Variants in MID1 observed in about 807,000 individuals in gnomAD.
MID1 encodes midline 1.
Under a neutral mutation model 40.4 loss-of-function variants are expected in MID1, and 7 were observed. The ratio of observed to expected loss-of-function variants is 0.17; its 90% CI spans 0.10 to 0.33. The LOEUF (loss-of-function observed/expected upper bound fraction) is 0.33. MID1 is among the 10% of genes least tolerant of loss of function. The probability of loss-of-function intolerance (pLI) is 1.00; values close to 1 mark genes in which losing one functional copy is unlikely to be tolerated. For missense variants in MID1, 367 were observed against 558.5 expected (o/e 0.66, Z 3.46); for synonymous variants, 229 against 221.2 (o/e 1.04, Z -0.31).
At position 10,468,870 on chromosome X, in the gene MID1, T is replaced by C. The variant is rs192958445; in HGVS notation, c.1285+827A>G. Among the ~76,000 whole-genome samples, 254 of 112,332 alleles carry C rather than the reference T, an allele frequency of 2.3e-3. 2 individuals are homozygous for C. Among genetic ancestry groups the C allele is most frequent in the Non-Finnish European group, 3.7e-3 (198 of 53,262 alleles). ...GAATGGGACCAGGTATTTAACTTTC[T>C]TTGGCTATTTATTTTATTAAATCCT... is the stretch of plus-strand genomic sequence containing the variant. On this transcript the variant is annotated intron_variant, in intron 7 of 9. Coordinates refer to ENST00000317552, the MANE Select transcript of MID1 (RefSeq NM_000381.4).
At chrX:10,505,136 T>A (rs1931765852) in intron 3 of MID1, among the ~76,000 whole-genome samples, 1 of 112,218 alleles carries the variant, frequency 8.9e-6, no homozygotes, top group Non-Finnish European at 1.9e-5. Context: ...TTTTAAGGCA[T>A]GAATAGCTAC....
intron 7 of MID1, among the ~76,000 whole-genome samples, chrX:10,462,574 G>T (rs766342986): frequency 8.9e-6 from 1 of 111,769 alleles, no homozygotes; most frequent in Admixed American, 9.5e-5. Flanking sequence ...CACCTCCTCC[G>T]ACTCAGTTTA....
At chrX:10,711,609 A>T (rs2043268039) in intron 1 of MID1, among the ~76,000 whole-genome samples, 1 of 112,116 alleles carries the variant, frequency 8.9e-6, no homozygotes, top group Admixed American at 9.5e-5. Context: ...ATCTCCTTTC[A>T]TGATTTTCCC....
intron 1 of MID1, among the ~76,000 whole-genome samples, chrX:10,615,735 T>A (rs1420825011): frequency 8.9e-6 from 1 of 111,851 alleles, no homozygotes; most frequent in East Asian, 2.8e-4. Flanking sequence ...CTCCCTAATA[T>A]TGTGTCCTTT....
chrX:10,709,176 A>G (rs1265023980), intron 1 of MID1, among the ~76,000 whole-genome samples: 3 of 112,355 alleles, frequency 2.7e-5, no homozygotes, highest in East Asian at 2.8e-4. Context: ...AAAATCTCCA[A>G]TGTTCTGACT....
chrX:10,750,734 T>C (rs1602555142), intron 1 of MID1, among the ~76,000 whole-genome samples: 1 of 111,913 alleles, frequency 8.9e-6, no homozygotes, highest in East Asian at 2.8e-4. Context: ...TTCTCAAGTC[T>C]ACGGCCATTT....
chrX:10,772,599 G>T (rs2043778338), intron 1 of MID1, among the ~76,000 whole-genome samples: 1 of 108,545 alleles, frequency 9.2e-6, no homozygotes, highest in Non-Finnish European at 1.9e-5. Context: ...AAATTAAATA[G>T]AAATTAAATT....
intron 1 of MID1, among the ~76,000 whole-genome samples, chrX:10,705,605 C>T (rs1288175661): frequency 8.9e-6 from 1 of 112,047 alleles, no homozygotes; most frequent in Non-Finnish European, 1.9e-5. Flanking sequence ...TTTATTGAGG[C>T]CGTCAGCCAC....
At chrX:10,583,326 T>C (rs759791213) in intron 1 of MID1, among the ~76,000 whole-genome samples, 31 of 112,723 alleles carry the variant, frequency 2.8e-4, no homozygotes, top group African/African-American at 9.3e-4. Context: ...GGTGCAAATC[T>C]ATGTTAGCTA....
chrX:10,596,918 T>G (rs1329986122), intron 1 of MID1, among the ~76,000 whole-genome samples: 1 of 111,161 alleles, frequency 9.0e-6, no homozygotes, highest in African/African-American at 3.3e-5. Flanking sequence ...CAATAAACTT[T>G]GAGGCTTGAA....
intron 1 of MID1, among the ~76,000 whole-genome samples, chrX:10,576,029 G>A (rs1355699019): frequency 9.2e-6 from 1 of 108,783 alleles, no homozygotes. Flanking sequence ...ACAAGCAGAT[G>A]AGCACTGAGA....
chrX:10,552,622 G>A (rs1321432683), intron 2 of MID1, among the ~76,000 whole-genome samples: 1 of 106,728 alleles, frequency 9.4e-6, no homozygotes, highest in Non-Finnish European at 1.9e-5. Flanking sequence ...TTTGATTTAC[G>A]ATTGGTTGAA....
At chrX:10,689,609 A>G (rs1046311657) in intron 1 of MID1, among the ~76,000 whole-genome samples, 2 of 111,395 alleles carry the variant, frequency 1.8e-5, no homozygotes, top group African/African-American at 6.5e-5. Context: ...ATCCATATCT[A>G]TACCTAAATC....
At chrX:10,516,225 C>T (rs1404536345) in intron 3 of MID1, among the ~76,000 whole-genome samples, 1 of 86,132 alleles carries the variant, frequency 1.2e-5, no homozygotes, top group African/African-American at 4.7e-5. Context: ...GACGGAGTCT[C>T]GCTCTGTCCC....
At chrX:10,808,335 C>T (rs190941354) in intron 1 of MID1, among the ~76,000 whole-genome samples, 1 of 111,460 alleles carries the variant, frequency 9.0e-6, no homozygotes, top group African/African-American at 3.3e-5. Flanking sequence ...TATGATGTCC[C>T]TTTGTACGAT....
intron 1 of MID1, among the ~76,000 whole-genome samples, chrX:10,633,089 T>C (rs1028808974): frequency 8.9e-6 from 1 of 111,804 alleles, no homozygotes; most frequent in African/African-American, 3.3e-5. Context: ...GGCATAATAA[T>C]TATTTTGAGC....
chrX:10,789,923 T>C (rs1259554689), intron 1 of MID1, among the ~76,000 whole-genome samples: 1 of 110,883 alleles, frequency 9.0e-6, no homozygotes, highest in Non-Finnish European at 1.9e-5. Context: ...ACAATCAAAC[T>C]TGCTTCAACA....
chrX:10,803,024 T>C (rs1257302900), intron 1 of MID1, among the ~76,000 whole-genome samples: 1 of 110,711 alleles, frequency 9.0e-6, no homozygotes, highest in Non-Finnish European at 1.9e-5. Context: ...GGTACTATTA[T>C]AGGGGAGAGA....
intron 8 of MID1, among the ~76,000 whole-genome samples, chrX:10,459,055 A>T (rs770154111): frequency 7.2e-5 from 8 of 111,465 alleles, no homozygotes; most frequent in Non-Finnish European, 1.1e-4. Flanking sequence ...TGTGATGCGC[A>T]CTGTCCTGTG....
Sources: allele counts gnomAD v4.1 joint callset (sites outside exome capture counted in the v4.1 genomes callset), GRCh38; gene constraint gnomAD v4.1.1; transcripts MANE v1.5; gene names NCBI Gene and HGNC (gene_info 2026-07-23, HGNC 2026-07-21).